The following ANKRD36C variants were observed in gnomAD, a reference collection of about 807,000 sequenced individuals.
ANKRD36C encodes ankyrin repeat domain 36C, also known as ankyrin repeat domain-containing protein 36C.
A neutral mutation model predicts 276.4 loss-of-function variants in ANKRD36C; 61 were observed. The observed-to-expected ratio is 0.22, with a 90% CI of 0.18 to 0.27. The LOEUF is 0.27. Among genes scored for constraint, ANKRD36C ranks in the 10% least tolerant of loss-of-function variants. The probability of loss-of-function intolerance (pLI) is 1.00; values close to 1 mark genes in which losing one functional copy is unlikely to be tolerated. For missense variants in ANKRD36C, 1,447 were observed against 2,032.3 expected (o/e 0.71, Z 5.54); for synonymous variants, 483 against 680.1 (o/e 0.71, Z 4.51).
intron 19 of ANKRD36C, among the ~76,000 whole-genome samples, chr2:95,942,026 A>G (rs1677907146): frequency 1.3e-5 from 2 of 152,292 alleles, no homozygotes; most frequent in African/African-American, 2.4e-5. Context: ...TTGGGACGCC[A>G]GATGACAGAG....
In ANKRD36C at chr2:95,893,447, G is replaced by A. The variant is rs1456805627; in HGVS notation, c.2756-1587C>T. 20 of 1,509,696 alleles carry A rather than the reference G, an allele frequency of 1.3e-5. No individual in the cohort carries two copies. In the African/African-American group the frequency reaches 1.8e-4, roughly 14 times the overall value. 93.5% of individuals were successfully genotyped at this position (1,509,696 alleles called of 1,614,324 possible). A position where few individuals can be genotyped will look rare whatever the true frequency, so the allele number is the denominator to read the frequency against. ...CTGCTGAATCAGAAAGTGCAGCTTC[G>A]ACGAGCCCCCCGCTGATTTATTTGG... On this transcript the variant is annotated intron_variant, in intron 44 of 66. Transcript: ENST00000456556.
intron 44 of ANKRD36C, among the ~76,000 whole-genome samples, chr2:95,895,884 A>C (rs1210205590): frequency 3.3e-5 from 5 of 151,014 alleles, no homozygotes; most frequent in African/African-American, 1.2e-4. Context: ...ATGAGGACAA[A>C]TGTGATCTGA....
intron 6 of ANKRD36C, among the ~76,000 whole-genome samples, chr2:95,968,589 A>G (rs2918860): frequency 3.6e-4 from 55 of 152,306 alleles, no homozygotes; most frequent in Non-Finnish European, 6.8e-4. Flanking sequence ...ACAATCATCA[A>G]CACAGAAGAT....
chr2:95,876,599 C>G, intron 58 of ANKRD36C, 87 bp from the exon 79 acceptor site: 1 of 687,774 alleles, frequency 1.5e-6, no homozygotes, highest in Non-Finnish European at 2.6e-6. Flanking sequence ...CGCCTGTAAT[C>G]CCAGCACTTT....
chr2:95,960,867 A>C (rs1573805384), intron 8 of ANKRD36C, among the ~76,000 whole-genome samples, 200 bp from the exon 9 acceptor site: 1 of 151,706 alleles, frequency 6.6e-6, no homozygotes, highest in African/African-American at 2.4e-5. Context: ...CGCAACAAAC[A>C]CTTCCAATTT....
chr2:95,903,218 G>C, intron 42 of ANKRD36C, 137 bp from the exon 53 acceptor site: 2 of 1,415,314 alleles, frequency 1.4e-6, no homozygotes, highest in East Asian at 2.5e-5. Context: ...CTTTGTGTCT[G>C]GGGACTAGAA....
chr2:95,882,542 T>C lies in ANKRD36C; in HGVS notation c.3266-45A>G. 1.9e-6 allele frequency: 3 copies of C among 1,549,266 alleles called. 1 individual carries two copies. The highest frequency in any genetic ancestry group is 2.4e-5 in the South Asian group (2 of 83,602). On this transcript the variant is annotated intron_variant, in intron 54 of 66. Transcript: ENST00000456556. ...TATAATCCATCATATGTAAATATGA[T>C]AAAGTTATCCATACATTCATGCAGT...
At chr2:95,954,617 C>G (rs373857411) in intron 13 of ANKRD36C, among the ~76,000 whole-genome samples, 4,183 of 152,178 alleles carry the variant, frequency 0.027, 47 homozygotes, top group Middle Eastern at 0.044. Flanking sequence ...AGTCAAAGTA[C>G]AAATGTATAT....
intron 42 of ANKRD36C, 37 bp from the exon 46 acceptor site, chr2:95,910,482 A>C (rs1312328052): frequency 6.3e-7 from 1 of 1,598,618 alleles, no homozygotes; most frequent in African/African-American, 1.3e-5. Flanking sequence ...AAATAAATAA[A>C]GTATGTTTCA....
chr2:95,902,775 C>G, intron 42 of ANKRD36C, 111 bp downstream of exon 54: 1 of 1,297,228 alleles, frequency 7.7e-7, no homozygotes, highest in Non-Finnish European at 1.0e-6. Flanking sequence ...AATCTCAGGA[C>G]TGCTGAATCA....
intron 54 of ANKRD36C, 114 bp from the exon 75 acceptor site, chr2:95,882,611 T>C (rs561089438): frequency 1.0e-4 from 133 of 1,281,470 alleles, no homozygotes; most frequent in Non-Finnish European, 1.6e-5. Flanking sequence ...AGTGTAGGAT[T>C]TGATGTTTTA....
rs776516073 is a variant in ANKRD36C at position 95,860,092 on chromosome 2, C to G, written c.3683-18G>C. ...AACACAATCTGTAACCAGGAAAAAACAAAGTAGAGATAAAATACATGAGTA... is the reference window on the plus strand; with the variant it reads ...AACACAATCTGTAACCAGGAAAAAAGAAAGTAGAGATAAAATACATGAGTA... On this transcript the variant is annotated intron_variant, in intron 60 of 66. Coordinates refer to ENST00000456556, the Ensembl canonical transcript of ANKRD36C. 14 of 1,439,412 alleles carry G rather than the reference C, an allele frequency of 9.7e-6. No individual in the cohort carries two copies. Among genetic ancestry groups the G allele is most frequent in the African/African-American group, 1.4e-5 (1 of 70,698 alleles). 89.2% of individuals were successfully genotyped at this position (1,439,412 alleles called of 1,614,324 possible).
Sources: gnomAD v4.1 joint callset for allele counts (sites outside exome capture counted in the v4.1 genomes callset) on GRCh38, gnomAD v4.1.1 for gene constraint, MANE v1.5 for transcripts, NCBI Gene and HGNC (gene_info 2026-07-23, HGNC 2026-07-21) for gene names.